TBX18: variants seen among roughly 807,000 people sequenced by gnomAD.
TBX18 encodes T-box transcription factor TBX18.
In TBX18, 21 loss-of-function variants were observed where a neutral mutation model predicts 55.0. The ratio of observed to expected loss-of-function variants is 0.38; its 90% CI spans 0.27 to 0.55. The LOEUF is 0.55. Ranked by LOEUF, TBX18 falls within the 20% of genes least tolerant of loss-of-function variation. TBX18 has a pLI of 0.73. For missense variants in TBX18, 840 were observed against 799.6 expected, an observed-to-expected ratio of 1.05 and a Z score of -0.61; for synonymous variants, 342 against 326.1, an observed-to-expected ratio of 1.05 and a Z score of -0.53.
Position 84,762,501 on chromosome 6 carries a change from G to A in TBX18, c.497+43C>T, listed in dbSNP as rs766200894. 63 of 1,607,300 alleles carry A rather than the reference G, an allele frequency of 3.9e-5. No individual in the cohort carries two copies. In the Middle Eastern group the frequency reaches 4.9e-4, roughly 13 times the overall value. On this transcript the variant is annotated intron_variant, in intron 2 of 7. Coordinates refer to ENST00000369663, the MANE Select transcript of TBX18 (RefSeq NM_001080508.3). The stretch of plus-strand genomic sequence containing the variant: ...TTGAGCTAGAGGTGAGTGAAGACAG[G>A]GTCTGGGGTAGGGAGGGGCGTCCAC...
intron 6 of TBX18, among the ~76,000 whole-genome samples, chr6:84,740,028 C>A (rs1456980667): frequency 5.3e-5 from 8 of 152,184 alleles, no homozygotes; most frequent in Non-Finnish European, 1.0e-4. Flanking sequence ...CATGCACAAA[C>A]ACACCTCATG....
At chr6:84,755,265 T>C (rs904199407) in intron 4 of TBX18, among the ~76,000 whole-genome samples, 1 of 152,210 alleles carries the variant, frequency 6.6e-6, no homozygotes, top group Non-Finnish European at 1.5e-5. Context: ...TTATAACTTA[T>C]ACATGAAGGT....
At chr6:84,742,915 A>T (rs1422921542) in intron 6 of TBX18, among the ~76,000 whole-genome samples, 1 of 152,236 alleles carries the variant, frequency 6.6e-6, no homozygotes, top group Admixed American at 6.5e-5. Context: ...GGCCATCTCC[A>T]GTTATTAAAT....
At chr6:84,744,685 T>C (rs1487121175) in intron 5 of TBX18, among the ~76,000 whole-genome samples, 2 of 152,174 alleles carry the variant, frequency 1.3e-5, no homozygotes, top group African/African-American at 2.4e-5. Context: ...AACTCTGAGA[T>C]GTGGTTTAAT....
At chr6:84,760,480 C>T (rs1767620150) in intron 2 of TBX18, 124 bp from the exon 3 acceptor site, 2 of 579,668 alleles carry the variant, frequency 3.5e-6, no homozygotes, top group Non-Finnish European at 5.8e-6. Flanking sequence ...ATAGTATTCA[C>T]TTTGCCAATG....
chr6:84,738,707 C>G (rs1766959282), intron 6 of TBX18, 116 bp from the exon 7 acceptor site: 2 of 790,340 alleles, frequency 2.5e-6, no homozygotes, highest in Middle Eastern at 3.6e-4. Context: ...TACCCCCACA[C>G]TGTCCAGTTA....
At chr6:84,763,858 G>A (rs2127883396) in intron 1 of TBX18, 32 bp downstream of exon 1, 1 of 1,460,478 alleles carries the variant, frequency 6.8e-7, no homozygotes, top group Non-Finnish European at 9.0e-7. Flanking sequence ...TCGCGCCGGA[G>A]AGAAGTTATA....
In TBX18 at chr6:84,762,633, C is replaced by A; in HGVS notation, c.408G>T (p.Pro136=). ...LARPGTPLPS[P]QAPRVDLQGA... ...CCTGCAGATCCACCCGCGGGGCCTG[C>A]GGCGAGGGCAGAGGGGTCCCGGGCC... The change falls in exon 2 of 8, where the codon CCG becomes CCT. Residue 136 remains proline (P), a synonymous_variant. Transcript: ENST00000369663. 1.2e-6 allele frequency: 2 copies of A among 1,612,126 alleles called. No homozygotes were observed. The highest frequency in any genetic ancestry group is 1.7e-6 in the Non-Finnish European group (2 of 1,179,254).
chr6:84,763,893 C>A lies in TBX18; in HGVS notation c.289G>T (p.Ala97Ser). 1 of 1,505,056 alleles carries A rather than the reference C, an allele frequency of 6.6e-7. No homozygotes were observed. Among genetic ancestry groups the A allele is most frequent in the Middle Eastern group, 1.7e-4 (1 of 5,724 alleles). The allele number at this position is 1,505,056 out of a possible 1,614,324, so 93.2% of individuals were successfully genotyped here. ...RSGADLERGA[A>S]GGCEDGFQQG... ...AGGCAGGAAGGGGCCCACTCACCCG[C>A]GGCTCCGCGCTCCAGGTCTGCGCCA... Residue 97 changes from alanine (A) to serine (S), a missense_variant, in exon 1 of 8, where the codon GCG becomes TCG. Ala to Ser is a moderately conservative substitution (Grantham distance 99). Transcript: ENST00000369663.
chr6:84,735,336 A>C lies in TBX18; in HGVS notation c.*1349T>G, dbSNP rs1451992690. 6.6e-6 allele frequency: 1 copy of C among 152,220 alleles called. No homozygotes were observed. The highest frequency in any genetic ancestry group is 1.5e-5 in the Non-Finnish European group (1 of 68,022). 9.4% of individuals were successfully genotyped at this position (152,220 alleles called of 1,614,324 possible). A position where few individuals can be genotyped will look rare whatever the true frequency, so the allele number is the denominator to read the frequency against. On this transcript the variant is annotated 3_prime_UTR_variant, in exon 8 of 8. Transcript: ENST00000369663. ...CATATATTATTTTAGGAATTAAAAAATTTAATACTGATTTTAATTTCTCCA... is the reference window on the plus strand; with the variant it reads ...CATATATTATTTTAGGAATTAAAAACTTTAATACTGATTTTAATTTCTCCA...
chr6:84,755,638 T>A (rs999833790), intron 4 of TBX18, among the ~76,000 whole-genome samples: 1 of 152,230 alleles, frequency 6.6e-6, no homozygotes, highest in Non-Finnish European at 1.5e-5. Flanking sequence ...GTTACTTTTT[T>A]ATTTCCATTT....
intron 4 of TBX18, 52 bp downstream of exon 4, chr6:84,756,646 T>G (rs1466160048): frequency 5.2e-6 from 8 of 1,529,582 alleles, no homozygotes; most frequent in African/African-American, 4.1e-5. Context: ...TCAGGCACAG[T>G]GTAGATGTGG....
chr6:84,745,813 A>T (rs752263854), intron 5 of TBX18, among the ~76,000 whole-genome samples: 5 of 152,172 alleles, frequency 3.3e-5, no homozygotes, highest in Non-Finnish European at 5.9e-5. Flanking sequence ...CATTTTTATT[A>T]CTAACATATG....
In TBX18 at chr6:84,738,604, G is replaced by A. The variant is rs1339296992; in HGVS notation, c.1005-13C>T. The A allele has an allele frequency of 6.2e-7, 1 of 1,604,028 alleles. No individual in the cohort carries two copies. The highest frequency in any genetic ancestry group is 8.5e-7 in the Non-Finnish European group (1 of 1,171,084). On this transcript the variant is annotated splice_polypyrimidine_tract_variant and intron_variant, in intron 6 of 7. Transcript: ENST00000369663. ...TTCCAAACCCATTCTAAATGGAAAG[G>A]GTCAGGATAGGGGTGGACAAAAGAA...
chr6:84,741,779 A>G (rs1451557323), intron 6 of TBX18: 3 of 152,186 alleles, frequency 2.0e-5, no homozygotes, highest in Admixed American at 6.5e-5. Flanking sequence ...CTCTACTAAT[A>G]TAATTAAAAA....
chr6:84,749,619 C>A (rs891158776), intron 4 of TBX18, among the ~76,000 whole-genome samples: 1 of 151,864 alleles, frequency 6.6e-6, no homozygotes, highest in Non-Finnish European at 1.5e-5. Context: ...GGGAAAACAG[C>A]CCTCATCATC....
At chr6:84,757,879 A>C (rs1767538126) in intron 3 of TBX18, among the ~76,000 whole-genome samples, 1 of 152,158 alleles carries the variant, frequency 6.6e-6, no homozygotes, top group Admixed American at 6.5e-5. Flanking sequence ...TTGTGTGTTA[A>C]GATTAGCATA....
At chr6:84,758,714 A>G (rs1159705024) in intron 3 of TBX18, among the ~76,000 whole-genome samples, 1 of 152,218 alleles carries the variant, frequency 6.6e-6, no homozygotes, top group Non-Finnish European at 1.5e-5. Context: ...AAAACCTTGA[A>G]AAAGTATGCA....
chr6:84,737,079 G>A lies in TBX18; in HGVS notation c.1430C>T (p.Thr477Ile). The A allele has an allele frequency of 6.2e-7, 1 of 1,614,204 alleles. No homozygotes were observed. Among genetic ancestry groups the A allele is most frequent in the Non-Finnish European group, 8.5e-7 (1 of 1,180,036 alleles). The change falls in exon 8 of 8, where the codon ACC becomes ATC. Residue 477 changes from threonine to isoleucine, a missense_variant. Thr to Ile is a moderately conservative substitution (Grantham distance 89, BLOSUM62 -1). Coordinates refer to ENST00000369663, the MANE Select transcript of TBX18 (RefSeq NM_001080508.3). ...TAAGCTGGTCTGTGGGCAGCTGAAG[G>A]TGTCCCCATCAGTGCCACCCATGGA... is the stretch of plus-strand genomic sequence containing the variant. ...NMSMGGTDGDTFSCPQTSLSM... is the reference protein window; with the variant it reads ...NMSMGGTDGDIFSCPQTSLSM...
Sources: allele counts gnomAD v4.1 joint callset (sites outside exome capture counted in the v4.1 genomes callset), GRCh38; gene constraint gnomAD v4.1.1; transcripts MANE v1.5; gene names NCBI Gene and HGNC (gene_info 2026-07-23, HGNC 2026-07-21).